The following AUTS2 variants were observed in gnomAD, a reference collection of about 807,000 sequenced individuals.
The protein encoded by AUTS2 is autism susceptibility gene 2 protein.
AUTS2 carries 17 observed loss-of-function variants against 112.4 expected under a neutral mutation model. That is an observed-to-expected ratio of 0.15 (90% CI 0.10 to 0.23). AUTS2 has a LOEUF of 0.23. AUTS2 is among the 10% of genes least tolerant of loss of function. The pLI is 1.00. For synonymous variants in AUTS2, 751 were observed against 702.7 expected, an observed-to-expected ratio of 1.07 and a Z score of -1.09; for missense variants, 1,510 against 1,701.6, an observed-to-expected ratio of 0.89 and a Z score of 1.98.
At chr7:69,673,070 C>G (rs949372666) in intron 1 of AUTS2, among the ~76,000 whole-genome samples, 1 of 152,140 alleles carries the variant, frequency 6.6e-6, no homozygotes, top group Non-Finnish European at 1.5e-5. Flanking sequence ...ATGGTAAATG[C>G]TTTCATTAGA....
chr7:69,743,853 G>C (rs993611216), intron 1 of AUTS2, among the ~76,000 whole-genome samples: 1 of 152,168 alleles, frequency 6.6e-6, no homozygotes, highest in African/African-American at 2.4e-5. Context: ...CTGGAGTACA[G>C]TAGAACGATC....
chr7:70,784,926 A>ATGTT lies in AUTS2; in HGVS notation c.2147-13_2147-10dup. The ATGTT allele has an allele frequency of 6.2e-7, 1 of 1,613,566 alleles. No individual in the cohort carries two copies. The highest frequency in any genetic ancestry group is 1.3e-5 in the African/African-American group (1 of 74,934). ...GCTTTTTGTAAACTCTGGTTTCGTT[A>ATGTT]TGTTTGACTTAACAGGTGCTGCACA... On this transcript the variant is annotated splice_polypyrimidine_tract_variant and intron_variant, in intron 15 of 18. Transcript: ENST00000342771.
At chr7:69,968,496 C>T (rs1214008090) in intron 2 of AUTS2, among the ~76,000 whole-genome samples, 2 of 152,206 alleles carry the variant, frequency 1.3e-5, no homozygotes, top group Middle Eastern at 3.2e-3. Flanking sequence ...CCATATGTGT[C>T]ACTTACTCTG....
intron 5 of AUTS2, among the ~76,000 whole-genome samples, chr7:70,575,681 T>C (rs2129526338): frequency 6.6e-6 from 1 of 152,324 alleles, no homozygotes; most frequent in African/African-American, 2.4e-5. Context: ...GGCAAAGCTA[T>C]TAAGTCTGTG....
chr7:70,410,126 A>C (rs546695383), intron 4 of AUTS2, among the ~76,000 whole-genome samples: 1 of 152,150 alleles, frequency 6.6e-6, no homozygotes, highest in African/African-American at 2.4e-5. Flanking sequence ...TTTTGTGCAT[A>C]TTTTAATTAT....
intron 1 of AUTS2, among the ~76,000 whole-genome samples, chr7:69,692,881 T>C (rs1447023192): frequency 1.3e-5 from 2 of 152,220 alleles, no homozygotes; most frequent in Admixed American, 1.3e-4. Context: ...CTGAAACCCC[T>C]CTAGGTTCCA....
chr7:69,732,677 A>G (rs1226456634), intron 1 of AUTS2, among the ~76,000 whole-genome samples: 1 of 152,198 alleles, frequency 6.6e-6, no homozygotes, highest in African/African-American at 2.4e-5. Context: ...TGAGTAAAAA[A>G]TAAAGTCATG....
chr7:70,735,465 C>G (rs1039952436), intron 6 of AUTS2, among the ~76,000 whole-genome samples: 2 of 152,146 alleles, frequency 1.3e-5, no homozygotes, highest in South Asian at 2.1e-4. Flanking sequence ...TTGCCTAACC[C>G]TGACCCTCAC....
intron 4 of AUTS2, among the ~76,000 whole-genome samples, chr7:70,342,826 G>C (rs900639137): frequency 1.3e-5 from 2 of 152,088 alleles, no homozygotes; most frequent in African/African-American, 4.8e-5. Flanking sequence ...ACTTTTTCCA[G>C]TGCTGTCTGG....
intron 6 of AUTS2, among the ~76,000 whole-genome samples, chr7:70,744,473 T>C (rs549695791): frequency 6.6e-6 from 1 of 152,258 alleles, no homozygotes; most frequent in Admixed American, 6.5e-5. Context: ...TCAGTTCTGC[T>C]TTAGTCAGGA....
chr7:69,664,151 T>C (rs1795927466), intron 1 of AUTS2, among the ~76,000 whole-genome samples: 1 of 152,196 alleles, frequency 6.6e-6, no homozygotes, highest in Non-Finnish European at 1.5e-5. Context: ...ACTTAAAGTG[T>C]TTATTTCACC....
chr7:70,013,875 G>A (rs920013068), intron 2 of AUTS2, among the ~76,000 whole-genome samples: 6 of 152,014 alleles, frequency 3.9e-5, no homozygotes, highest in South Asian at 2.1e-4. Context: ...GTATCACCAC[G>A]CCCGGCTAAT....
At chr7:70,082,350 G>A (rs1232972114) in intron 2 of AUTS2, among the ~76,000 whole-genome samples, 2 of 152,164 alleles carry the variant, frequency 1.3e-5, no homozygotes, top group Non-Finnish European at 2.9e-5. Context: ...GTTTGGGAGA[G>A]GAGAGCATTT....
At chr7:70,126,408 T>TA (rs1434215588) in intron 3 of AUTS2, among the ~76,000 whole-genome samples, 2 of 151,794 alleles carry the variant, frequency 1.3e-5, no homozygotes, top group Non-Finnish European at 2.9e-5. Flanking sequence ...GACTCTGTCT[T>TA]AAAAAAAAGA....
At chr7:70,725,306 A>G (rs1455008382) in intron 6 of AUTS2, among the ~76,000 whole-genome samples, 11 of 152,192 alleles carry the variant, frequency 7.2e-5, no homozygotes, top group Non-Finnish European at 1.0e-4. Context: ...CCTGTTTGAA[A>G]TGTCATCAAC....
intron 4 of AUTS2, among the ~76,000 whole-genome samples, chr7:70,407,830 G>A (rs1331691476): frequency 6.6e-6 from 1 of 152,010 alleles, no homozygotes; most frequent in African/African-American, 2.4e-5. Flanking sequence ...CAAGGCGGGC[G>A]GATCATGGGG....
At chr7:70,073,099 T>G (rs1469160527) in intron 2 of AUTS2, among the ~76,000 whole-genome samples, 2 of 126,804 alleles carry the variant, frequency 1.6e-5, no homozygotes, top group South Asian at 6.0e-4. Context: ...CTCCTCTCCT[T>G]TTTTTTTTCT....
intron 1 of AUTS2, among the ~76,000 whole-genome samples, chr7:69,760,640 G>A (rs1788146034): frequency 6.6e-6 from 1 of 152,106 alleles, no homozygotes; most frequent in South Asian, 2.1e-4. Flanking sequence ...GACCAACATG[G>A]TGAAACCCCG....
chr7:69,921,327 G>GT (rs11289784), intron 2 of AUTS2, among the ~76,000 whole-genome samples: 8,158 of 90,232 alleles, frequency 0.09, 363 homozygotes, highest in East Asian at 0.13. Flanking sequence ...TAGACTTGAA[G>GT]TTTTTTTTTT....
Sources: allele counts gnomAD v4.1 joint callset (sites outside exome capture counted in the v4.1 genomes callset), GRCh38; gene constraint gnomAD v4.1.1; transcripts MANE v1.5; gene names NCBI Gene and HGNC (gene_info 2026-07-23, HGNC 2026-07-21).